TRAPPC9: variants seen among roughly 807,000 people sequenced by gnomAD.
The protein encoded by TRAPPC9 is IKK2 binding protein.
In TRAPPC9, 83 loss-of-function variants were observed where a neutral mutation model predicts 124.0. That is an observed-to-expected ratio of 0.67 (90% CI 0.56 to 0.80). TRAPPC9 has a LOEUF of 0.80. Ranked by LOEUF, TRAPPC9 falls within the 30% of genes least tolerant of loss-of-function variation. The pLI is 0.00. For synonymous variants in TRAPPC9, 638 were observed against 617.5 expected, an observed-to-expected ratio of 1.03 and a Z score of -0.49; for missense variants, 1,302 against 1,508.3, an observed-to-expected ratio of 0.86 and a Z score of 2.27.
chr8:140,320,464 A>G (rs2066562261), intron 9 of TRAPPC9, among the ~76,000 whole-genome samples: 1 of 152,114 alleles, frequency 6.6e-6, no homozygotes, highest in African/African-American at 2.4e-5. Flanking sequence ...TGAACTGGTC[A>G]CCCCTAGCCC....
intron 17 of TRAPPC9, among the ~76,000 whole-genome samples, chr8:140,204,743 C>T (rs531392642): frequency 3.9e-5 from 6 of 152,350 alleles, no homozygotes; most frequent in African/African-American, 1.4e-4. Flanking sequence ...GAAGCAGATG[C>T]TGGCACCAGG....
intron 19 of TRAPPC9, among the ~76,000 whole-genome samples, chr8:139,949,483 G>A (rs2131496978): frequency 6.6e-6 from 1 of 152,290 alleles, no homozygotes; most frequent in Non-Finnish European, 1.5e-5. Context: ...GACAAAAGGG[G>A]CAGCAACGTA....
chr8:140,061,586 G>T (rs931474764), intron 17 of TRAPPC9, among the ~76,000 whole-genome samples: 12 of 152,224 alleles, frequency 7.9e-5, no homozygotes, highest in Non-Finnish European at 1.5e-4. Context: ...AGCCCCAGCA[G>T]TCTAGGAGGC....
intron 15 of TRAPPC9, among the ~76,000 whole-genome samples, chr8:140,254,045 G>T (rs1017300830): frequency 8.5e-5 from 13 of 152,174 alleles, no homozygotes; most frequent in Non-Finnish European, 8.8e-5. Flanking sequence ...GACATGGGGA[G>T]GCCACTGCTG....
In TRAPPC9 at chr8:139,730,797, T is replaced by G; in HGVS notation, c.*264A>C. On this transcript the variant is annotated 3_prime_UTR_variant, in exon 23 of 23. Transcript: ENST00000438773. ...GACCTGGGCTGGATGGGCACCCGCT[T>G]TGGGATTTCCTCTGCTTCAGCCTGT... 4 of 498,402 alleles carry G rather than the reference T, an allele frequency of 8.0e-6. No individual in the cohort carries two copies. The highest frequency in any genetic ancestry group is 1.9e-5 in the African/African-American group (1 of 51,826). 30.9% of individuals were successfully genotyped at this position (498,402 alleles called of 1,614,324 possible).
intron 16 of TRAPPC9, among the ~76,000 whole-genome samples, chr8:140,222,872 G>T (rs994281245): frequency 1.3e-4 from 20 of 152,274 alleles, no homozygotes; most frequent in African/African-American, 4.8e-4. Context: ...ACTTGTGCAA[G>T]AAATCACGTT....
chr8:140,079,636 T>C (rs1214812364), intron 17 of TRAPPC9, among the ~76,000 whole-genome samples: 1 of 152,062 alleles, frequency 6.6e-6, no homozygotes, highest in Non-Finnish European at 1.5e-5. Context: ...TTGTGCATAA[T>C]AATAAAAAGG....
At chr8:139,930,870 C>T (rs915156227) in intron 19 of TRAPPC9, among the ~76,000 whole-genome samples, 3 of 152,168 alleles carry the variant, frequency 2.0e-5, no homozygotes, top group Non-Finnish European at 4.4e-5. Context: ...GACAGCAACA[C>T]TGTTGAGTGC....
intron 18 of TRAPPC9, among the ~76,000 whole-genome samples, chr8:140,011,905 T>C (rs1412165626): frequency 1.3e-5 from 2 of 152,064 alleles, no homozygotes; most frequent in Non-Finnish European, 2.9e-5. Context: ...CTCAAACTCC[T>C]GACCTCAGGT....
At chr8:139,826,856 A>G (rs529321845) in intron 21 of TRAPPC9, among the ~76,000 whole-genome samples, 23 of 152,350 alleles carry the variant, frequency 1.5e-4, no homozygotes, top group African/African-American at 5.0e-4. Flanking sequence ...TGTGGGAGCC[A>G]TCAGTACAGA....
chr8:140,194,380 T>A (rs1460053916), intron 17 of TRAPPC9, among the ~76,000 whole-genome samples: 1 of 152,200 alleles, frequency 6.6e-6, no homozygotes, highest in Non-Finnish European at 1.5e-5. Context: ...CATCCTTCTG[T>A]ATAACTTACT....
At chr8:140,033,657 G>GTTTTTTTTT (rs1491525674) in intron 17 of TRAPPC9, among the ~76,000 whole-genome samples, 7 of 49,262 alleles carry the variant, frequency 1.4e-4, no homozygotes, top group South Asian at 1.3e-3. Flanking sequence ...TTCATAATGT[G>GTTTTTTTTT]GTTTTTTTTT....
chr8:139,975,927 CTTTTTTTT>C (rs528679775), intron 19 of TRAPPC9, among the ~76,000 whole-genome samples: 1 of 95,566 alleles, frequency 1.0e-5, no homozygotes, highest in Non-Finnish European at 2.0e-5. Flanking sequence ...AAAGGACAGT[CTTTTTTTT>C]TTTTTTTTTT....
intron 20 of TRAPPC9, among the ~76,000 whole-genome samples, chr8:139,900,159 C>T (rs1462319262): frequency 6.6e-6 from 1 of 152,250 alleles, no homozygotes; most frequent in African/African-American, 2.4e-5. Flanking sequence ...TCACAGCTTG[C>T]TTTTCCTGTT....
chr8:139,855,582 C>T (rs1015939750), intron 21 of TRAPPC9, among the ~76,000 whole-genome samples: 1 of 152,168 alleles, frequency 6.6e-6, no homozygotes, highest in Non-Finnish European at 1.5e-5. Context: ...GATAAGATTC[C>T]CTGGAAGGTG....
intron 21 of TRAPPC9, among the ~76,000 whole-genome samples, chr8:139,755,940 G>A (rs1328706085): frequency 1.6e-5 from 2 of 123,828 alleles, no homozygotes; most frequent in Non-Finnish European, 3.3e-5. Flanking sequence ...GATGAGGACC[G>A]CAGGTCGCAG....
At chr8:139,795,841 G>A (rs1823020792) in intron 21 of TRAPPC9, among the ~76,000 whole-genome samples, 1 of 152,152 alleles carries the variant, frequency 6.6e-6, no homozygotes, top group Non-Finnish European at 1.5e-5. Flanking sequence ...CCTCAAAATG[G>A]CACACGGAGG....
chr8:140,048,833 C>T (rs1047544636), intron 17 of TRAPPC9, among the ~76,000 whole-genome samples: 1 of 152,178 alleles, frequency 6.6e-6, no homozygotes, highest in African/African-American at 2.4e-5. Flanking sequence ...TGCTTCCTGT[C>T]ACCCATCCCC....
chr8:140,145,433 A>T (rs2061448075), intron 17 of TRAPPC9, among the ~76,000 whole-genome samples: 1 of 152,144 alleles, frequency 6.6e-6, no homozygotes, highest in Non-Finnish European at 1.5e-5. Context: ...TTTGACAGAC[A>T]TCCTTTATTA....
Sources: allele counts gnomAD v4.1 joint callset (sites outside exome capture counted in the v4.1 genomes callset), GRCh38; gene constraint gnomAD v4.1.1; transcripts MANE v1.5; gene names NCBI Gene and HGNC (gene_info 2026-07-23, HGNC 2026-07-21).